The following GLI3 variants were observed in gnomAD, a reference collection of about 807,000 sequenced individuals.
The protein encoded by GLI3 is GLI family zinc finger 3, also known as transcription activator GLI3.
Under a neutral mutation model 100.8 loss-of-function variants are expected in GLI3, and 20 were observed. The ratio of observed to expected loss-of-function variants is 0.20; its 90% confidence interval spans 0.14 to 0.29. The LOEUF is 0.29. Among genes scored for constraint, GLI3 ranks in the 10% least tolerant of loss-of-function variants. The pLI is 1.00. For missense variants in GLI3, 2,040 were observed against 2,128.5 expected (o/e 0.96, Z 0.82); for synonymous variants, 938 against 860.5 (o/e 1.09, Z -1.58).
rs932243942 is a variant in GLI3 at position 42,048,424 on chromosome 7, A to G, written c.679+67T>C. ...ACTAAACATCAGGTCTACTTTATAC[A>G]CGTCCCGAGTGAGGAGCGGGGAGGA... On this transcript the variant is annotated intron_variant, in intron 5 of 14. Coordinates refer to ENST00000395925, the MANE Select transcript of GLI3 (RefSeq NM_000168.6). The G allele has an allele frequency of 2.8e-5, 29 of 1,048,260 alleles. No homozygotes were observed. In the South Asian group the frequency reaches 3.7e-4, roughly 13 times the overall value. The allele number at this position is 1,048,260 out of a possible 1,614,324, so 64.9% of individuals were successfully genotyped here. A position where few individuals can be genotyped will look rare whatever the true frequency, so the allele number is the denominator to read the frequency against.
At chr7:42,202,344 T>TCA (rs1788058978) in intron 2 of GLI3, among the ~76,000 whole-genome samples, 1 of 35,360 alleles carries the variant, frequency 2.8e-5, no homozygotes, top group South Asian at 2.4e-3. Context: ...TCTCTCTCTC[T>TCA]CTCACACACA....
chr7:42,079,822 T>C (rs769746226), intron 3 of GLI3, among the ~76,000 whole-genome samples: 1 of 152,210 alleles, frequency 6.6e-6, no homozygotes, highest in Non-Finnish European at 1.5e-5. Context: ...GGTGCAACTA[T>C]GAATTATGAC....
chr7:42,212,350 T>C (rs1320222230), intron 2 of GLI3, among the ~76,000 whole-genome samples: 1 of 152,252 alleles, frequency 6.6e-6, no homozygotes, highest in African/African-American at 2.4e-5. Context: ...ATTTTAGGAT[T>C]ATCTAACATG....
chr7:42,263,913 G>C (rs1789172804), intron 1 of GLI3, among the ~76,000 whole-genome samples: 1 of 152,180 alleles, frequency 6.6e-6, no homozygotes, highest in African/African-American at 2.4e-5. Flanking sequence ...AAACAGAATA[G>C]CTGAATAAAA....
At chr7:41,993,230 G>A (rs771588880) in intron 10 of GLI3, among the ~76,000 whole-genome samples, 2 of 152,180 alleles carry the variant, frequency 1.3e-5, no homozygotes, top group Non-Finnish European at 2.9e-5. Flanking sequence ...AAGGGAGACA[G>A]AGCAGAGCCA....
At chr7:42,143,726 T>A (rs1221736434) in intron 3 of GLI3, among the ~76,000 whole-genome samples, 1 of 152,238 alleles carries the variant, frequency 6.6e-6, no homozygotes, top group African/African-American at 2.4e-5. Flanking sequence ...TTCTGTCATC[T>A]GAGCTGGGGA....
intron 2 of GLI3, among the ~76,000 whole-genome samples, chr7:42,164,792 T>A (rs941112254): frequency 6.6e-6 from 1 of 151,708 alleles, no homozygotes; most frequent in Non-Finnish European, 1.5e-5. Flanking sequence ...ATCACGCCAC[T>A]GCACTCCAGC....
At chr7:42,040,374 C>CA in intron 6 of GLI3, 135 bp from the exon 7 acceptor site, 2 of 715,862 alleles carry the variant, frequency 2.8e-6, no homozygotes, top group Non-Finnish European at 5.1e-6. Context: ...TCTCCTCCCC[C>CA]ATGTGATCTA....
intron 1 of GLI3, among the ~76,000 whole-genome samples, chr7:42,245,109 G>C (rs1376155351): frequency 6.6e-6 from 1 of 152,172 alleles, no homozygotes; most frequent in Non-Finnish European, 1.5e-5. Context: ...GTTTATGCTG[G>C]ACTGGGCCTT....
At chr7:42,073,872 GCAAA>G (rs1562715317) in intron 4 of GLI3, among the ~76,000 whole-genome samples, 1 of 152,172 alleles carries the variant, frequency 6.6e-6, no homozygotes, top group Non-Finnish European at 1.5e-5. Context: ...CAATTATATA[GCAAA>G]CAGTTTGGAA....
intron 2 of GLI3, among the ~76,000 whole-genome samples, chr7:42,221,557 C>T (rs1275491954): frequency 6.6e-6 from 1 of 151,952 alleles, no homozygotes; most frequent in Non-Finnish European, 1.5e-5. Context: ...CACTCACTCA[C>T]ACCCTCACAC....
intron 2 of GLI3, among the ~76,000 whole-genome samples, chr7:42,206,074 C>T (rs889626153): frequency 4.6e-5 from 7 of 152,026 alleles, no homozygotes; most frequent in African/African-American, 1.7e-4. Flanking sequence ...TCGAGACCAG[C>T]CTGACCAATA....
intron 1 of GLI3, among the ~76,000 whole-genome samples, chr7:42,245,253 A>G (rs994629520): frequency 1.3e-5 from 2 of 152,354 alleles, no homozygotes; most frequent in East Asian, 3.9e-4. Context: ...GTTGACAACA[A>G]AGCCTGTAAT....
chr7:42,233,369 G>T (rs886642853), intron 1 of GLI3, among the ~76,000 whole-genome samples: 18 of 152,232 alleles, frequency 1.2e-4, no homozygotes, highest in Admixed American at 1.1e-3. Flanking sequence ...AGAGTCTACA[G>T]TGATTTCAGC....
chr7:42,100,374 C>T (rs937577484), intron 3 of GLI3, among the ~76,000 whole-genome samples: 4 of 152,144 alleles, frequency 2.6e-5, no homozygotes, highest in African/African-American at 9.7e-5. Flanking sequence ...TAGGGCTTTG[C>T]AGAAGCAATC....
chr7:42,000,108 A>G (rs1174153278), intron 10 of GLI3, among the ~76,000 whole-genome samples: 1 of 152,234 alleles, frequency 6.6e-6, no homozygotes, highest in Non-Finnish European at 1.5e-5. Context: ...TATTACACAC[A>G]GGAAGCACGG....
At chr7:42,056,610 G>T (rs55766615) in intron 4 of GLI3, among the ~76,000 whole-genome samples, 24,060 of 152,044 alleles carry the variant, frequency 0.16, 2,487 homozygotes, top group East Asian at 0.4. Context: ...GAAGGGAAAA[G>T]AAATATTTGT....
intron 1 of GLI3, among the ~76,000 whole-genome samples, chr7:42,246,633 A>G (rs1788975605): frequency 6.6e-6 from 1 of 152,010 alleles, no homozygotes; most frequent in Non-Finnish European, 1.5e-5. Context: ...AAAACAAAAC[A>G]AAACAAAACA....
At chr7:42,227,910 T>C (rs1788614157) in intron 1 of GLI3, among the ~76,000 whole-genome samples, 1 of 152,190 alleles carries the variant, frequency 6.6e-6, no homozygotes, top group Non-Finnish European at 1.5e-5. Context: ...ATTGTTTTGC[T>C]CAGGTTGTAC....
Sources: allele counts gnomAD v4.1 joint callset (sites outside exome capture counted in the v4.1 genomes callset), GRCh38; gene constraint gnomAD v4.1.1; transcripts MANE v1.5; gene names NCBI Gene and HGNC (gene_info 2026-07-23, HGNC 2026-07-21).